Variants in ZNF558 observed in about 807,000 individuals in gnomAD.
ZNF558 encodes zinc finger protein 558.
Under a neutral mutation model 37.6 loss-of-function variants are expected in ZNF558, and 23 were observed. The observed-to-expected ratio is 0.61, with a 90% CI of 0.44 to 0.87. ZNF558 has a LOEUF of 0.87. Among genes scored for constraint, ZNF558 ranks in the 40% least tolerant of loss-of-function variants. The probability of loss-of-function intolerance (pLI) is 0.00; values close to 1 mark genes in which losing one functional copy is unlikely to be tolerated. For synonymous variants in ZNF558, 189 were observed against 174.4 expected (o/e 1.08, Z -0.66); for missense variants, 429 against 483.7 (o/e 0.89, Z 1.06).
intron 1 of ZNF558, among the ~76,000 whole-genome samples, chr19:8,831,720 T>C (rs2044361608): frequency 6.6e-6 from 1 of 152,222 alleles, no homozygotes; most frequent in Admixed American, 6.5e-5. Context: ...ATTAAGTGAC[T>C]AAACTGAATT....
At chr19:8,835,153 G>C (rs1289729909), upstream of ZNF558, among the ~76,000 whole-genome samples, 1 of 151,684 alleles carries the variant, frequency 6.6e-6, no homozygotes, top group Non-Finnish European at 1.5e-5. Context: ...CTGGATTCAA[G>C]CGATTCTCCT....
intron 8 of ZNF558, 32 bp downstream of exon 8, chr19:8,813,095 C>T: frequency 2.0e-6 from 3 of 1,535,098 alleles, no homozygotes; most frequent in Non-Finnish European, 2.7e-6. Flanking sequence ...AGAGCTATTC[C>T]TCACAAGGGC....
chr19:8,825,756 G>A (rs2044217775), intron 2 of ZNF558, among the ~76,000 whole-genome samples: 1 of 151,956 alleles, frequency 6.6e-6, no homozygotes, highest in Admixed American at 6.6e-5. Context: ...TCAAGTTGGA[G>A]GGAGTCTTTG....
At chr19:8,829,679 G>A (rs184850191) in intron 2 of ZNF558, among the ~76,000 whole-genome samples, 94 of 152,252 alleles carry the variant, frequency 6.2e-4, no homozygotes, top group Middle Eastern at 3.4e-3. Context: ...GGATTGTCCC[G>A]GTTTGAACAC....
chr19:8,828,735 G>A (rs1347680995), intron 2 of ZNF558, among the ~76,000 whole-genome samples: 1 of 152,154 alleles, frequency 6.6e-6, no homozygotes, highest in Admixed American at 6.6e-5. Flanking sequence ...GCCTAGGCAG[G>A]CGGATCACCT....
chr19:8,835,048 GTTTT>G (rs777643019), upstream of ZNF558, among the ~76,000 whole-genome samples: 4 of 142,222 alleles, frequency 2.8e-5, no homozygotes, highest in Non-Finnish European at 6.2e-5. Flanking sequence ...TGAACAAAGA[GTTTT>G]TTTTTTTTTT....
At chr19:8,835,264 C>G (rs2044443378), upstream of ZNF558, among the ~76,000 whole-genome samples, 1 of 152,062 alleles carries the variant, frequency 6.6e-6, no homozygotes. Flanking sequence ...GTTGGCCAGG[C>G]TGGTCTTGAA....
chr19:8,836,795 A>T (rs1287751484), upstream of ZNF558, among the ~76,000 whole-genome samples: 1 of 152,230 alleles, frequency 6.6e-6, no homozygotes, highest in African/African-American at 2.4e-5. Flanking sequence ...ATCCAGCTTA[A>T]GTGTATCTTA....
intron 9 of ZNF558, 49 bp downstream of exon 9, chr19:8,812,512 A>C (rs1555768632): frequency 7.6e-7 from 1 of 1,311,012 alleles, no homozygotes; most frequent in Non-Finnish European, 1.0e-6. Context: ...TCTAAACTTA[A>C]GGCATTCTCC....
In ZNF558 at chr19:8,818,555, GT is replaced by G. The variant is rs200890387; in HGVS notation, c.247+2624del. ...AAAACAATCACTATCAAAATTCTGA[GT>G]TTTTTTTCCTTTCAGAAATACACAA... On this transcript the variant is annotated intron_variant, in intron 7 of 9. Coordinates refer to ENST00000601372, the MANE Select transcript of ZNF558 (RefSeq NM_144693.3). 5.4e-3 allele frequency among the ~76,000 whole-genome samples: 827 copies of G among 152,114 alleles called. 14 individuals are homozygous for G. The highest frequency in any genetic ancestry group is 0.019 in the African/African-American group (780 of 41,494).
intron 2 of ZNF558, among the ~76,000 whole-genome samples, chr19:8,826,969 C>T (rs2044246381): frequency 6.6e-6 from 1 of 152,178 alleles, no homozygotes; most frequent in Non-Finnish European, 1.5e-5. Context: ...GGTAGGCACA[C>T]AGTAGTTCCA....
chr19:8,835,512 A>G (rs2145341184), upstream of ZNF558, among the ~76,000 whole-genome samples: 1 of 152,364 alleles, frequency 6.6e-6, no homozygotes, highest in East Asian at 1.9e-4. Context: ...AATTAAAATT[A>G]AAAAGATAGC....
chr19:8,818,910 A>C (rs1272272631), intron 7 of ZNF558, among the ~76,000 whole-genome samples: 3 of 152,228 alleles, frequency 2.0e-5, no homozygotes, highest in Non-Finnish European at 4.4e-5. Context: ...CAATAAGGGT[A>C]CCAAGGTCAT....
intron 1 of ZNF558, among the ~76,000 whole-genome samples, 198 bp from the exon 2 acceptor site, chr19:8,831,599 G>A (rs969356161): frequency 1.3e-5 from 2 of 152,220 alleles, no homozygotes; most frequent in Admixed American, 6.5e-5. Flanking sequence ...CGTAAGAGGG[G>A]AGAAAGCAGC....
intron 8 of ZNF558, 73 bp from the exon 9 acceptor site, chr19:8,812,716 G>C (rs184674707): frequency 1.1e-6 from 1 of 878,360 alleles, no homozygotes; most frequent in African/African-American, 1.7e-5. Context: ...AGTAAAGGCA[G>C]ATTCTGAGGG....
At chr19:8,812,239 A>G (rs575736937) in intron 9 of ZNF558, among the ~76,000 whole-genome samples, 176 bp from the exon 10 acceptor site, 3 of 152,246 alleles carry the variant, frequency 2.0e-5, no homozygotes, top group African/African-American at 7.2e-5. Context: ...GTTAAAAAAC[A>G]TAGATGCTTT....
At chr19:8,832,600 C>A (rs182743880), upstream of ZNF558, 1,029 of 151,442 alleles carry the variant, frequency 6.8e-3, 6 homozygotes, top group Non-Finnish European at 0.01. Context: ...GGGCGGAGAT[C>A]AGTTCCGGGG....
chr19:8,820,309 G>C (rs571241640), intron 7 of ZNF558, among the ~76,000 whole-genome samples: 6 of 152,038 alleles, frequency 3.9e-5, no homozygotes, highest in Non-Finnish European at 8.8e-5. Flanking sequence ...ACAAAAGCTC[G>C]TACACAAAAA....
chr19:8,812,929 T>C (rs1327279670), intron 8 of ZNF558, among the ~76,000 whole-genome samples, 198 bp downstream of exon 8: 1 of 152,122 alleles, frequency 6.6e-6, no homozygotes, highest in East Asian at 1.9e-4. Flanking sequence ...CAAAGTGAAG[T>C]ATGAGATGAT....
Sources: gnomAD v4.1 joint callset for allele counts (sites outside exome capture counted in the v4.1 genomes callset) on GRCh38, gnomAD v4.1.1 for gene constraint, MANE v1.5 for transcripts, NCBI Gene and HGNC (gene_info 2026-07-23, HGNC 2026-07-21) for gene names.